ANKRD31: variants seen among roughly 807,000 people sequenced by gnomAD.
ANKRD31 encodes ankyrin repeat domain 31, also known as ankyrin repeat domain-containing protein 31.
ANKRD31 carries 147 observed loss-of-function variants against 186.0 expected under a neutral mutation model. That is an observed-to-expected ratio of 0.79 (90% confidence interval 0.69 to 0.91). The LOEUF is 0.91. Among genes scored for constraint, ANKRD31 ranks in the 40% least tolerant of loss-of-function variants. The pLI, the probability that ANKRD31 is intolerant of heterozygous loss-of-function variation, is 0.00. For missense variants in ANKRD31, 1,986 were observed against 2,148.8 expected, an observed-to-expected ratio of 0.92 and a Z score of 1.50; for synonymous variants, 673 against 736.4, an observed-to-expected ratio of 0.91 and a Z score of 1.39.
chr5:75,100,962 T>C lies in ANKRD31; in HGVS notation c.5331+3266A>G, dbSNP rs570224582. The stretch of plus-strand genomic sequence containing the variant: ...TTGTTATGTATGAATTTGATCCTGT[T>C]ATTATGATGTTAGCTGGTTATTTTG... On this transcript the variant is annotated intron_variant, in intron 22 of 25. Coordinates refer to ENST00000506364, the MANE Select transcript of ANKRD31 (RefSeq NM_001372053.1). Among the ~76,000 whole-genome samples the C allele has an allele frequency of 3.8e-4, 58 of 152,244 alleles. 1 individual carries two copies. Among genetic ancestry groups the C allele is most frequent in the Admixed American group, 2.6e-4 (4 of 15,284 alleles).
chr5:75,177,829 C>T (rs374422268), intron 10 of ANKRD31, among the ~76,000 whole-genome samples: 9 of 152,092 alleles, frequency 5.9e-5, no homozygotes, highest in African/African-American at 1.9e-4. Flanking sequence ...CATCAACTAA[C>T]GAGCAAAATA....
chr5:75,186,540 A>T (rs958628522), intron 10 of ANKRD31, among the ~76,000 whole-genome samples: 8 of 152,210 alleles, frequency 5.3e-5, no homozygotes, highest in African/African-American at 1.7e-4. Context: ...TTACAGGTAT[A>T]GGAATCAGAA....
intron 25 of ANKRD31, among the ~76,000 whole-genome samples, chr5:75,074,747 G>A (rs1036471609): frequency 1.7e-4 from 26 of 152,020 alleles, no homozygotes; most frequent in Non-Finnish European, 1.6e-4. Context: ...TAAAGTAAAG[G>A]TAAAGATACA....
chr5:75,236,812 G>T lies in ANKRD31; in HGVS notation c.-126C>A. 6.1e-6 allele frequency: 5 copies of T among 823,342 alleles called. No individual in the cohort carries two copies. Among genetic ancestry groups the T allele is most frequent in the Non-Finnish European group, 7.3e-6 (4 of 550,974 alleles). The allele number at this position is 823,342 out of a possible 1,614,324, so 51.0% of individuals were successfully genotyped here. On this transcript the variant is annotated 5_prime_UTR_variant, in exon 1 of 26. Transcript: ENST00000506364. ...TAAAAATAATATAATCGCAGCAGGA[G>T]CCGGGACTTGTCGCAGGGCTGCTGA...
intron 10 of ANKRD31, among the ~76,000 whole-genome samples, chr5:75,187,641 A>AG (rs1261172963): frequency 6.6e-6 from 1 of 152,124 alleles, no homozygotes; most frequent in Non-Finnish European, 1.5e-5. Context: ...TAAGAATACA[A>AG]GGTTGAGGGT....
rs1394502072 is a variant in ANKRD31 at position 75,146,986 on chromosome 5, G to T, written c.2425C>A (p.His809Asn). 1 of 1,536,292 alleles carries T rather than the reference G, an allele frequency of 6.5e-7. No homozygotes were observed. Among genetic ancestry groups the T allele is most frequent in the Non-Finnish European group, 8.7e-7 (1 of 1,146,294 alleles). Residue 809 changes from histidine to asparagine, a missense_variant, in exon 14 of 26, where the codon CAC becomes AAC. By Grantham distance (68) the His-to-Asn change is moderately conservative (BLOSUM62 1). Transcript: ENST00000506364. ...TEACSVSKEK[H>N]IQNLDLSDSQ... ...TCTGATAAATCCAGGTTCTGGATGT[G>T]TTTCTCTTTGGAAACTGAACAAGCC...
chr5:75,159,725 T>C (rs535846579), intron 11 of ANKRD31, among the ~76,000 whole-genome samples: 1 of 149,894 alleles, frequency 6.7e-6, no homozygotes, highest in East Asian at 1.9e-4. Context: ...AAGGAAATAC[T>C]AAAGGTAACT....
At chr5:75,209,461 G>GAGGCCAGGAGTTCA (rs374158419) in intron 4 of ANKRD31, among the ~76,000 whole-genome samples, 1 of 94,830 alleles carries the variant, frequency 1.1e-5, no homozygotes, top group East Asian at 3.0e-4. Context: ...TGGATCACTT[G>GAGGCCAGGAGTTCA]AGGCCAGGAG....
chr5:75,131,182 G>C (rs529256718), intron 17 of ANKRD31, among the ~76,000 whole-genome samples: 139 of 152,288 alleles, frequency 9.1e-4, no homozygotes, highest in Non-Finnish European at 1.9e-3. Context: ...CCCATGAGAA[G>C]AGGGAGTGGG....
Position 75,146,548 on chromosome 5 carries a change from C to G in ANKRD31, c.2863G>C (p.Glu955Gln). 3.3e-6 allele frequency: 5 copies of G among 1,536,344 alleles called. No homozygotes were observed. Among genetic ancestry groups the G allele is most frequent in the Non-Finnish European group, 4.4e-6 (5 of 1,146,374 alleles). The change falls in exon 14 of 26, where the codon GAA (glutamate) becomes CAA (glutamine). Residue 955 changes from glutamate (E) to glutamine (Q), a missense_variant. Coordinates refer to ENST00000506364, the MANE Select transcript of ANKRD31 (RefSeq NM_001372053.1). ...AGGCTGACTGCTTTTAACTCATTTT[C>G]CTGTGAAAGATGATCTTCAGAAAGT... ...FLLSEDHLSQ[E>Q]NELKAVSLTT...
At chr5:75,125,386 C>T (rs1183399428) in intron 17 of ANKRD31, among the ~76,000 whole-genome samples, 1 of 152,116 alleles carries the variant, frequency 6.6e-6, no homozygotes, top group Non-Finnish European at 1.5e-5. Context: ...CCAGTAGTTT[C>T]TAAGCCTGAT....
rs879248394 is a variant in ANKRD31, at chr5:75,068,438, C to T, written c.*81G>A. ...CATAAAGTGTATGTTAAAATAGGCC[C>T]ACCAGATTATACAAGATGAAATATA... On this transcript the variant is annotated 3_prime_UTR_variant, in exon 26 of 26. Coordinates refer to ENST00000506364, the MANE Select transcript of ANKRD31 (RefSeq NM_001372053.1). The T allele has an allele frequency of 1.5e-6, 2 of 1,318,812 alleles. No individual in the cohort carries two copies. The highest frequency in any genetic ancestry group is 4.0e-5 in the South Asian group (2 of 50,316). The allele number at this position is 1,318,812 out of a possible 1,614,324, so 81.7% of individuals were successfully genotyped here.
rs148168122 is a variant in ANKRD31 at position 75,234,914 on chromosome 5, T to G, written c.104+1669A>C. The stretch of plus-strand genomic sequence containing the variant: ...TGAAATATGGATTCAACTAAACTAT[T>G]TTCTACATACATCCTTCATCATCCC... On this transcript the variant is annotated intron_variant, in intron 1 of 25. Coordinates refer to ENST00000506364, the MANE Select transcript of ANKRD31 (RefSeq NM_001372053.1). Among the ~76,000 whole-genome samples, 216 of 152,242 alleles carry G rather than the reference T, an allele frequency of 1.4e-3. 3 individuals are homozygous for G. Among genetic ancestry groups the G allele is most frequent in the Admixed American group, 2.4e-3 (37 of 15,286 alleles).
Position 75,230,553 on chromosome 5 carries a change from C to T in ANKRD31, c.178+9G>A, listed in dbSNP as rs1283534617. On this transcript the variant is annotated intron_variant, in intron 2 of 25. Coordinates refer to ENST00000506364, the MANE Select transcript of ANKRD31 (RefSeq NM_001372053.1). Reference sequence around the variant, plus strand: ...AAAGGGACTACTTAATGAAAAGAATCATTCTCACCTTTGCACATTCCTCTT... The same window carrying T: ...AAAGGGACTACTTAATGAAAAGAATTATTCTCACCTTTGCACATTCCTCTT... 4.7e-5 allele frequency: 72 copies of T among 1,530,610 alleles called. No individual in the cohort carries two copies. Among genetic ancestry groups the T allele is most frequent in the Non-Finnish European group, 6.0e-5 (68 of 1,141,568 alleles). 94.8% of individuals were successfully genotyped at this position (1,530,610 alleles called of 1,614,324 possible).
chr5:75,218,469 A>G (rs1757094318), intron 3 of ANKRD31, among the ~76,000 whole-genome samples: 1 of 152,178 alleles, frequency 6.6e-6, no homozygotes. Context: ...TACCAACTAA[A>G]AAAAGCCCAG....
In ANKRD31 at chr5:75,168,979, C is replaced by G; in HGVS notation, c.1707G>C (p.Lys569Asn). Reference protein sequence around the residue: ...LHDAVMNGHYKVAELLLLNGA... With the variant: ...LHDAVMNGHYNVAELLLLNGA... The stretch of plus-strand genomic sequence containing the variant: ...TCTGCAAATAAAAGCATCACAGTAC[C>G]TTATAATGTCCATTCATCACTGCAT... Residue 569 changes from lysine to asparagine, a missense_variant and splice_region_variant, in exon 11 of 26, where the codon AAG (lysine) becomes AAC (asparagine). Transcript: ENST00000506364. 2 of 1,534,754 alleles carry G rather than the reference C, an allele frequency of 1.3e-6. No individual in the cohort carries two copies. The highest frequency in any genetic ancestry group is 1.7e-6 in the Non-Finnish European group (2 of 1,145,320).
intron 5 of ANKRD31, among the ~76,000 whole-genome samples, chr5:75,202,949 A>AT (rs1403949120): frequency 6.6e-6 from 1 of 152,094 alleles, no homozygotes; most frequent in African/African-American, 2.4e-5. Context: ...ACTACTTTTT[A>AT]TTTTTTATTT....
In ANKRD31 at chr5:75,137,921, C is replaced by T; in HGVS notation, c.3811G>A (p.Val1271Ile). The stretch of plus-strand genomic sequence containing the variant: ...ATTCCATCTATATTTTCACAATTAA[C>T]CTTAGCACCAGCTTTTAATAACTCT... ...IVELLKAGAK[V>I]NCENIDGILP... The change falls in exon 17 of 26, where the codon GTT becomes ATT. Residue 1271 changes from valine (V) to isoleucine (I), a missense_variant. Physicochemically the swap from Val to Ile is conservative, Grantham distance 29. Transcript: ENST00000506364. 4 of 1,533,956 alleles carry T rather than the reference C, an allele frequency of 2.6e-6. No individual in the cohort carries two copies. Among genetic ancestry groups the T allele is most frequent in the Non-Finnish European group, 3.5e-6 (4 of 1,145,338 alleles).
At chr5:75,153,331 G>A (rs1751960870) in intron 12 of ANKRD31, among the ~76,000 whole-genome samples, 1 of 152,120 alleles carries the variant, frequency 6.6e-6, no homozygotes, top group African/African-American at 2.4e-5. Context: ...AAACATGTTT[G>A]TTGTTTTAAG....
Sources: gnomAD v4.1 joint callset for allele counts (sites outside exome capture counted in the v4.1 genomes callset) on GRCh38, gnomAD v4.1.1 for gene constraint, MANE v1.5 for transcripts, NCBI Gene and HGNC (gene_info 2026-07-23, HGNC 2026-07-21) for gene names.